ACSL4: variants seen among roughly 807,000 people sequenced by gnomAD.
ACSL4 encodes the protein long-chain-fatty-acid--CoA ligase 4.
In ACSL4, 9 loss-of-function variants were observed where a neutral mutation model predicts 49.1. The ratio of observed to expected loss-of-function variants is 0.18; its 90% CI spans 0.11 to 0.32. The LOEUF is 0.32. ACSL4 is among the 10% of genes least tolerant of loss of function. The pLI, the probability that ACSL4 is intolerant of heterozygous loss-of-function variation, is 1.00. For missense variants in ACSL4, 333 were observed against 493.7 expected, an observed-to-expected ratio of 0.67 and a Z score of 3.08; for synonymous variants, 191 against 170.3, an observed-to-expected ratio of 1.12 and a Z score of -0.95.
intron 1 of ACSL4, among the ~76,000 whole-genome samples, chrX:109,717,453 G>A (rs778272486): frequency 9.1e-5 from 10 of 110,396 alleles, no homozygotes; most frequent in Admixed American, 9.7e-5. Context: ...CCCAGATAGC[G>A]CCATTGCACT....
intron 15 of ACSL4, among the ~76,000 whole-genome samples, chrX:109,647,822 T>C (rs1478118446): frequency 1.8e-5 from 2 of 109,849 alleles, no homozygotes; most frequent in South Asian, 3.9e-4. Context: ...ATAGACGCAA[T>C]AAAAAATGAT....
chrX:109,713,720 C>A (rs1350505453), intron 1 of ACSL4, among the ~76,000 whole-genome samples: 1 of 111,634 alleles, frequency 9.0e-6, no homozygotes, highest in Non-Finnish European at 1.9e-5. Context: ...CACAGTTGGC[C>A]TTTTACTTAA....
rs199897558 is a variant in ACSL4, at chrX:109,644,236, C to T, written c.1856-50G>A. The T allele has an allele frequency of 8.6e-5, 95 of 1,110,343 alleles. 1 individual carries two copies. In the African/African-American group the frequency reaches 1.1e-3, roughly 13 times the overall value. 91.5% of individuals were successfully genotyped at this position (1,110,343 alleles called of 1,213,427 possible). ...AGAAAAGGAGAGGGGGGGAAAGAGA[C>T]GAGAAAGGAGTGGGGACGGGGAAAG... On this transcript the variant is annotated intron_variant, in intron 15 of 15. Transcript: ENST00000672401.
intron 2 of ACSL4, among the ~76,000 whole-genome samples, chrX:109,687,251 C>T (rs918280020): frequency 8.9e-6 from 1 of 112,309 alleles, no homozygotes; most frequent in African/African-American, 3.2e-5. Flanking sequence ...CATTTCATTT[C>T]ACTTCAAAAA....
intron 1 of ACSL4, among the ~76,000 whole-genome samples, chrX:109,727,657 TTGTGTGTGTGTGTGTGTGTGTG>T (rs35186119): frequency 4.8e-4 from 42 of 88,412 alleles, no homozygotes; most frequent in Non-Finnish European, 7.3e-4. Flanking sequence ...GTTTGTTAAA[TTGTGTGTGTGTGTGTGTGTGTG>T]TGTGTGTGTG....
intron 15 of ACSL4, among the ~76,000 whole-genome samples, chrX:109,654,885 T>C (rs1052213469): frequency 1.8e-5 from 2 of 111,808 alleles, no homozygotes; most frequent in Non-Finnish European, 3.8e-5. Flanking sequence ...TCGGGACTCA[T>C]GGACATTAGG....
At chrX:109,689,501 T>C (rs1319426099) in intron 2 of ACSL4, among the ~76,000 whole-genome samples, 2 of 112,360 alleles carry the variant, frequency 1.8e-5, no homozygotes. Context: ...GTCTTTCCCC[T>C]ACCCCAAGGT....
At chrX:109,666,818 G>A (rs1033135762) in intron 11 of ACSL4, among the ~76,000 whole-genome samples, 2 of 112,143 alleles carry the variant, frequency 1.8e-5, no homozygotes, top group African/African-American at 6.5e-5. Context: ...AGGAGGCTAA[G>A]GGAAGAGAAT....
rs1056645031 is a variant in ACSL4, at chrX:109,689,296, A to C, written c.-12-5921T>G. On this transcript the variant is annotated intron_variant, in intron 2 of 15. Transcript: ENST00000672401. The stretch of plus-strand genomic sequence containing the variant: ...CCAATATCATCTCTCATGTGGATAA[A>C]TGGGATAGCCAATCTAGTCTCCCTG... Among the ~76,000 whole-genome samples the C allele has an allele frequency of 2.7e-5, 3 of 112,091 alleles. No individual in the cohort carries two copies. In the Admixed American group the frequency reaches 2.8e-4, roughly 11 times the overall value.
At chrX:109,678,493 T>C (rs1022677241) in intron 6 of ACSL4, 78 bp from the exon 7 acceptor site, 38 of 1,115,367 alleles carry the variant, frequency 3.4e-5, no homozygotes, top group African/African-American at 1.3e-4. Context: ...GATATTTAGA[T>C]TTTGCATAAC....
rs746484565 is a variant in ACSL4 at position 109,666,774 on chromosome X, G to A, written c.1316-1280C>T. 8.9e-5 allele frequency among the ~76,000 whole-genome samples: 10 copies of A among 111,917 alleles called. No individual in the cohort carries two copies. The South Asian group carries it at 1.1e-3, about 13-fold the overall frequency. ...TACTAAAAATACAAAAATTAGTCAGGTGTGGTGGCACACGCCTGTAGTCCC... is the reference window on the plus strand; with the variant it reads ...TACTAAAAATACAAAAATTAGTCAGATGTGGTGGCACACGCCTGTAGTCCC... On this transcript the variant is annotated intron_variant, in intron 11 of 15. Coordinates refer to ENST00000672401, the MANE Select transcript of ACSL4 (RefSeq NM_001318510.2).
Position 109,662,423 on chromosome X carries a change from A to T in ACSL4, c.1583-778T>A, listed in dbSNP as rs903895762. ...ATTTTCCCAGGAAATCTCTAACTAT[A>T]TTCAGGTCAGATATCGTGAGGTCCA... On this transcript the variant is annotated intron_variant, in intron 13 of 15. Coordinates refer to ENST00000672401, the MANE Select transcript of ACSL4 (RefSeq NM_001318510.2). Among the ~76,000 whole-genome samples the T allele has an allele frequency of 3.6e-5, 4 of 111,447 alleles. No homozygotes were observed. In the Admixed American group the frequency reaches 3.8e-4, roughly 11 times the overall value.
chrX:109,642,531 G>C lies in ACSL4; in HGVS notation c.*1498C>G, dbSNP rs1269914243. 1 of 110,898 alleles carries C rather than the reference G, an allele frequency of 9.0e-6. No individual in the cohort carries two copies. Among genetic ancestry groups the C allele is most frequent in the Middle Eastern group, 4.3e-3 (1 of 235 alleles). 9.1% of individuals were successfully genotyped at this position (110,898 alleles called of 1,213,427 possible). On this transcript the variant is annotated 3_prime_UTR_variant, in exon 16 of 16. Transcript: ENST00000672401. ...ATAAATATTTTAGAGCAAAAAGAAT[G>C]TATTTTGTTGCAATGGTGGCCCACA...
At chrX:109,710,622 G>A (rs139316659) in intron 1 of ACSL4, among the ~76,000 whole-genome samples, 2,071 of 112,352 alleles carry the variant, frequency 0.018, 33 homozygotes, top group African/African-American at 0.063. Flanking sequence ...AAATATCTCC[G>A]TGTATAGGTA....
At position 109,642,214 on chromosome X, in the gene ACSL4, A is replaced by G. The variant is rs1408193779; in HGVS notation, c.*1815T>C. ...ATTTAAAATCACCATTCTAAATGGG[A>G]AAAAAAATCACATATTGGAAAAGTC... is the stretch of plus-strand genomic sequence containing the variant. On this transcript the variant is annotated 3_prime_UTR_variant, in exon 16 of 16. Transcript: ENST00000672401. 1 of 111,107 alleles carries G rather than the reference A, an allele frequency of 9.0e-6. No individual in the cohort carries two copies. Among genetic ancestry groups the G allele is most frequent in the African/African-American group, 3.3e-5 (1 of 30,465 alleles). 9.2% of individuals were successfully genotyped at this position (111,107 alleles called of 1,213,427 possible). A position where few individuals can be genotyped will look rare whatever the true frequency, so the allele number is the denominator to read the frequency against.
At chrX:109,657,901 A>T (rs1218639357) in intron 15 of ACSL4, among the ~76,000 whole-genome samples, 2 of 111,365 alleles carry the variant, frequency 1.8e-5, no homozygotes, top group Non-Finnish European at 3.8e-5. Context: ...CTTTTTAATG[A>T]TTGCCATTCT....
chrX:109,692,213 A>G (rs1925089520), intron 2 of ACSL4: 1 of 111,781 alleles, frequency 8.9e-6, no homozygotes, highest in Admixed American at 9.5e-5. Flanking sequence ...TTGCTAGGTC[A>G]TAGGATGTTA....
chrX:109,728,691 G>A (rs1422604268), intron 1 of ACSL4, among the ~76,000 whole-genome samples: 1 of 112,280 alleles, frequency 8.9e-6, no homozygotes, highest in African/African-American at 3.2e-5. Flanking sequence ...ATAGCTTACA[G>A]AAATAATGGA....
At chrX:109,727,657 TTGTGTGTGTG>T (rs35186119) in intron 1 of ACSL4, among the ~76,000 whole-genome samples, 2,164 of 88,363 alleles carry the variant, frequency 0.024, 37 homozygotes, top group East Asian at 0.071. Context: ...GTTTGTTAAA[TTGTGTGTGTG>T]TGTGTGTGTG....
Sources: allele counts gnomAD v4.1 joint callset (sites outside exome capture counted in the v4.1 genomes callset), GRCh38; gene constraint gnomAD v4.1.1; transcripts MANE v1.5; gene names NCBI Gene and HGNC (gene_info 2026-07-23, HGNC 2026-07-21).